Variants in KDM4C observed in about 807,000 individuals in gnomAD.
The protein encoded by KDM4C is lysine demethylase 4C.
KDM4C carries 81 observed loss-of-function variants against 129.3 expected under a neutral mutation model. The observed-to-expected ratio is 0.63, with a 90% CI of 0.52 to 0.75. The LOEUF (loss-of-function observed/expected upper bound fraction) is 0.75, where lower values mean the gene tolerates loss of function less well. KDM4C is among the 30% of genes least tolerant of loss of function. The pLI is 0.00. For synonymous variants in KDM4C, 573 were observed against 456.1 expected (o/e 1.26, Z -3.26); for missense variants, 1,457 against 1,304.0 (o/e 1.12, Z -1.81).
At chr9:6,721,067 A>G in intron 1 of KDM4C, 1 of 1,357,666 alleles carries the variant, frequency 7.4e-7, no homozygotes, top group African/African-American at 1.5e-5. Context: ...ACTTAAAGCA[A>G]TGTTAATTTC....
chr9:6,913,021 G>A (rs972847167), intron 8 of KDM4C, among the ~76,000 whole-genome samples: 3 of 152,050 alleles, frequency 2.0e-5, no homozygotes. Flanking sequence ...AAAATAAAAA[G>A]CAAAGAAAAT....
At chr9:7,077,234 A>G in intron 17 of KDM4C, 10 of 985,084 alleles carry the variant, frequency 1.0e-5, no homozygotes, top group South Asian at 4.7e-5. Flanking sequence ...CACCTACAAT[A>G]TGGTGAATTA....
chr9:7,070,436 G>A (rs1833036015), intron 17 of KDM4C, among the ~76,000 whole-genome samples: 1 of 152,064 alleles, frequency 6.6e-6, no homozygotes, highest in African/African-American at 2.4e-5. Context: ...AAGGAAAACT[G>A]TAGACCCATA....
At chr9:6,843,794 A>C (rs1036944031) in intron 4 of KDM4C, among the ~76,000 whole-genome samples, 2 of 152,192 alleles carry the variant, frequency 1.3e-5, no homozygotes, top group Non-Finnish European at 2.9e-5. Flanking sequence ...CAGTTTTCAA[A>C]AGTTTACTAA....
At chr9:7,162,244 G>A (rs1221208849) in intron 19 of KDM4C, among the ~76,000 whole-genome samples, 1 of 152,142 alleles carries the variant, frequency 6.6e-6, no homozygotes, top group East Asian at 1.9e-4. Context: ...AAAGAGTTCT[G>A]AAAGCAAGAA....
chr9:6,993,457 ATGT>A (rs1175127863), intron 12 of KDM4C, among the ~76,000 whole-genome samples: 1 of 152,186 alleles, frequency 6.6e-6, no homozygotes, highest in African/African-American at 2.4e-5. Context: ...AATTACGCAA[ATGT>A]TGTGTTGAAA....
chr9:7,010,856 C>T (rs1386303774), intron 12 of KDM4C, among the ~76,000 whole-genome samples: 1 of 152,026 alleles, frequency 6.6e-6, no homozygotes, highest in Non-Finnish European at 1.5e-5. Context: ...CCAGCCTGGC[C>T]ATCATGGTGA....
chr9:7,049,847 A>C (rs1829900240), intron 17 of KDM4C, among the ~76,000 whole-genome samples: 1 of 152,106 alleles, frequency 6.6e-6, no homozygotes, highest in African/African-American at 2.4e-5. Context: ...GCAGATCCTT[A>C]GTTTAGGCCC....
At chr9:7,051,957 A>G (rs1029958496) in intron 17 of KDM4C, among the ~76,000 whole-genome samples, 1 of 152,160 alleles carries the variant, frequency 6.6e-6, no homozygotes, top group African/African-American at 2.4e-5. Context: ...CCTTCACCAA[A>G]CAGGCATTGC....
In KDM4C at chr9:6,986,365, C is replaced by A. The variant is rs141207165; in HGVS notation, c.1376C>A (p.Ser459Tyr). The change falls in exon 11 of 22, where the codon TCT (serine) becomes TAT (tyrosine). Residue 459 changes from serine (S) to tyrosine (Y), a missense_variant. Ser to Tyr is a moderately radical substitution (Grantham distance 144). Transcript: ENST00000381309. ...TCAGGAAACAGCTGCTTAAGTACAT[C>A]TGTAACAGAAGACATAAAAACTGAG... Reference protein sequence around the residue: ...KLSGNSCLSTSVTEDIKTEDD... With the variant: ...KLSGNSCLSTYVTEDIKTEDD... 1.1e-4 allele frequency: 185 copies of A among 1,611,172 alleles called. No homozygotes were observed. The highest frequency in any genetic ancestry group is 1.5e-4 in the Non-Finnish European group (177 of 1,177,822).
intron 4 of KDM4C, among the ~76,000 whole-genome samples, chr9:6,844,536 C>T (rs372889979): frequency 1.4e-4 from 21 of 152,182 alleles, no homozygotes; most frequent in South Asian, 8.3e-4. Flanking sequence ...AACAAGCTTC[C>T]GTGGTCAAAT....
intron 4 of KDM4C, among the ~76,000 whole-genome samples, chr9:6,824,850 A>G (rs1054969842): frequency 3.9e-5 from 6 of 152,120 alleles, no homozygotes; most frequent in East Asian, 1.9e-4. Flanking sequence ...GTCTAGCTCA[A>G]TAGAAGATTG....
chr9:6,987,036 G>A (rs1253601895), intron 11 of KDM4C, among the ~76,000 whole-genome samples: 3 of 152,110 alleles, frequency 2.0e-5, no homozygotes, highest in Admixed American at 6.5e-5. Context: ...GAAAACTATA[G>A]TACAAAGTCA....
intron 19 of KDM4C, among the ~76,000 whole-genome samples, chr9:7,151,811 A>G (rs1244068563): frequency 6.6e-6 from 1 of 152,236 alleles, no homozygotes; most frequent in African/African-American, 2.4e-5. Context: ...GGGGTCTAGA[A>G]CCAGCACAGA....
intron 8 of KDM4C, among the ~76,000 whole-genome samples, chr9:6,964,797 A>AAAC (rs1460947661): frequency 6.6e-6 from 1 of 150,702 alleles, no homozygotes; most frequent in Non-Finnish European, 1.5e-5. Context: ...AAAAAAAAAA[A>AAAC]AAAACCACAG....
intron 1 of KDM4C, among the ~76,000 whole-genome samples, chr9:6,770,056 G>A (rs1821431459): frequency 6.6e-6 from 1 of 152,130 alleles, no homozygotes; most frequent in Non-Finnish European, 1.5e-5. Context: ...GGGCATGCCT[G>A]TAACCCCAGG....
intron 7 of KDM4C, 44 bp from the exon 8 acceptor site, chr9:6,893,051 G>T: frequency 7.4e-7 from 1 of 1,349,082 alleles, no homozygotes; most frequent in Non-Finnish European, 9.8e-7. Flanking sequence ...CATAATTTAG[G>T]AAGTCTTATT....
chr9:7,025,463 G>A (rs1825655270), intron 15 of KDM4C, among the ~76,000 whole-genome samples: 1 of 151,976 alleles, frequency 6.6e-6, no homozygotes, highest in African/African-American at 2.4e-5. Flanking sequence ...TTTTATTGAA[G>A]GTGATTTTGT....
chr9:7,082,120 G>A (rs777306604), intron 17 of KDM4C, among the ~76,000 whole-genome samples: 13 of 152,116 alleles, frequency 8.5e-5, no homozygotes, highest in Non-Finnish European at 1.8e-4. Context: ...CGTGCCTCCA[G>A]GACAAAGACT....
Sources: gnomAD v4.1 joint callset for allele counts (sites outside exome capture counted in the v4.1 genomes callset) on GRCh38, gnomAD v4.1.1 for gene constraint, MANE v1.5 for transcripts, NCBI Gene and HGNC (gene_info 2026-07-23, HGNC 2026-07-21) for gene names.